Variants in ARAP2 observed in about 807,000 individuals in gnomAD.
ARAP2 encodes arf-GAP with Rho-GAP domain, ANK repeat and PH domain-containing protein 2.
In ARAP2, 148 loss-of-function variants were observed where a neutral mutation model predicts 194.5. The observed-to-expected ratio is 0.76, with a 90% CI of 0.67 to 0.87. ARAP2 has a LOEUF of 0.87. ARAP2 is among the 40% of genes least tolerant of loss of function. ARAP2 has a pLI of 0.00. For synonymous variants in ARAP2, 695 were observed against 683.5 expected (o/e 1.02, Z -0.26); for missense variants, 2,128 against 1,989.7 (o/e 1.07, Z -1.32).
At chr4:36,179,416 C>T (rs1355973656) in intron 8 of ARAP2, among the ~76,000 whole-genome samples, 1 of 152,188 alleles carries the variant, frequency 6.6e-6, no homozygotes, top group Non-Finnish European at 1.5e-5. Context: ...ACAGAACAAC[C>T]TCAGGTTTTC....
At chr4:36,077,500 G>A (rs1261369522) in intron 31 of ARAP2, among the ~76,000 whole-genome samples, 2 of 151,978 alleles carry the variant, frequency 1.3e-5, no homozygotes, top group African/African-American at 4.8e-5. Context: ...CATGTGACAA[G>A]GAACTCTAGG....
intron 32 of ARAP2, among the ~76,000 whole-genome samples, chr4:36,070,098 T>C (rs573135987): frequency 2.3e-4 from 35 of 152,298 alleles, no homozygotes; most frequent in African/African-American, 8.4e-4. Context: ...CTTCATAAAT[T>C]ACCCAGTCTC....
At chr4:36,027,938 T>G (rs907168689) in intron 5 of ARAP2, among the ~76,000 whole-genome samples, 1 of 152,136 alleles carries the variant, frequency 6.6e-6, no homozygotes, top group Non-Finnish European at 1.5e-5. Flanking sequence ...CCAGTCCTCT[T>G]CAGGAACCAA....
At chr4:36,125,764 C>T (rs1723745118) in intron 21 of ARAP2, among the ~76,000 whole-genome samples, 1 of 152,032 alleles carries the variant, frequency 6.6e-6, no homozygotes, top group Non-Finnish European at 1.5e-5. Context: ...TTAGCCTATG[C>T]TACCTGAAGT....
At chr4:36,164,671 T>C (rs1057498220) in intron 11 of ARAP2, among the ~76,000 whole-genome samples, 1 of 152,234 alleles carries the variant, frequency 6.6e-6, no homozygotes, top group Non-Finnish European at 1.5e-5. Flanking sequence ...ACTGTCTTTT[T>C]AAAATCTATA....
At chr4:36,199,605 T>C (rs867491891) in intron 6 of ARAP2, among the ~76,000 whole-genome samples, 4 of 152,104 alleles carry the variant, frequency 2.6e-5, no homozygotes, top group South Asian at 2.1e-4. Flanking sequence ...AAAAACTTTT[T>C]AACCAACATC....
intron 5 of ARAP2, among the ~76,000 whole-genome samples, chr4:36,025,417 T>G (rs975947521): frequency 6.6e-6 from 1 of 152,186 alleles, no homozygotes; most frequent in Non-Finnish European, 1.5e-5. Context: ...TGAAACCTGC[T>G]AAACAACCTT....
In ARAP2 at chr4:36,128,689, G is replaced by A; in HGVS notation, c.3484C>T (p.Leu1162Phe). 1 of 1,612,476 alleles carries A rather than the reference G, an allele frequency of 6.2e-7. No homozygotes were observed. The highest frequency in any genetic ancestry group is 1.1e-5 in the South Asian group (1 of 91,054). Residue 1162 changes from leucine to phenylalanine, a missense_variant, in exon 21 of 33, where the codon CTC becomes TTC. Coordinates refer to ENST00000303965, the MANE Select transcript of ARAP2 (RefSeq NM_015230.4). ...KNGDPLHISE[L>F]LESFKKDARS... is the part of the protein sequence containing the mutation. ...GCATCCTTTTTGAAACTCTCCAGGA[G>A]TTCACTTATATGCAAAGGATCACCA...
At position 36,091,862 on chromosome 4, in the gene ARAP2, G is replaced by A. The variant is rs533065429; in HGVS notation, c.4425+19C>T. ...AATACCCACACAAATAAAAATGTAC[G>A]CATGTTCAAATACTATACCTTCACA... On this transcript the variant is annotated intron_variant, in intron 28 of 32. Transcript: ENST00000303965. The A allele has an allele frequency of 1.7e-5, 27 of 1,553,472 alleles. No homozygotes were observed. The East Asian group carries it at 2.7e-4, about 16-fold the overall frequency.
intron 3 of ARAP2, 75 bp from the exon 4 acceptor site, chr4:36,213,394 A>G (rs1447610508): frequency 8.6e-7 from 1 of 1,165,562 alleles, no homozygotes; most frequent in Admixed American, 2.0e-5. Flanking sequence ...AAAGATTAAA[A>G]GCATGAGTTT....
chr4:36,099,189 TAAC>T (rs1180631151), intron 27 of ARAP2, among the ~76,000 whole-genome samples: 1 of 152,106 alleles, frequency 6.6e-6, no homozygotes, highest in African/African-American at 2.4e-5. Flanking sequence ...TTGCCGAGGA[TAAC>T]AACTTCCAGC....
chr4:36,200,472 C>A (rs1287776042), intron 6 of ARAP2, among the ~76,000 whole-genome samples: 1 of 152,120 alleles, frequency 6.6e-6, no homozygotes, highest in Non-Finnish European at 1.5e-5. Context: ...TCAGGCTGGT[C>A]TCAAACTCCC....
At chr4:36,060,513 A>G (rs1229508001) in intron 1 of ARAP2, among the ~76,000 whole-genome samples, 1 of 152,204 alleles carries the variant, frequency 6.6e-6, no homozygotes. Flanking sequence ...TGGAGCAACA[A>G]GAGCACAAGG....
At chr4:36,158,701 A>G in intron 15 of ARAP2, 29 bp downstream of exon 15, 1 of 1,549,002 alleles carries the variant, frequency 6.5e-7, no homozygotes, top group East Asian at 2.3e-5. Context: ...TTTTTATCTG[A>G]TAATATCTAA....
intron 28 of ARAP2, among the ~76,000 whole-genome samples, chr4:36,089,708 T>C (rs1713017723): frequency 6.6e-6 from 1 of 152,122 alleles, no homozygotes; most frequent in Non-Finnish European, 1.5e-5. Flanking sequence ...TTTGAATCAA[T>C]GGGTTATTGG....
intron 9 of ARAP2, among the ~76,000 whole-genome samples, chr4:36,010,467 G>A (rs1026597248): frequency 2.6e-5 from 4 of 151,944 alleles, no homozygotes; most frequent in Admixed American, 2.6e-4. Context: ...ACATTTTATG[G>A]ATGTGTCAAG....
intron 31 of ARAP2, 29 bp downstream of exon 31, chr4:36,080,187 C>G (rs1325512035): frequency 2.5e-6 from 4 of 1,587,824 alleles, no homozygotes; most frequent in African/African-American, 1.3e-5. Flanking sequence ...TTATTATACT[C>G]TACTGGATAG....
intron 1 of ARAP2, among the ~76,000 whole-genome samples, chr4:36,232,055 C>G (rs571621275): frequency 6.6e-6 from 1 of 152,196 alleles, no homozygotes; most frequent in Non-Finnish European, 1.5e-5. Context: ...AGGTGGCTAT[C>G]TGTAAGCTAG....
chr4:36,231,650 G>C (rs1178731636), intron 1 of ARAP2, among the ~76,000 whole-genome samples: 1 of 152,064 alleles, frequency 6.6e-6, no homozygotes, highest in Non-Finnish European at 1.5e-5. Flanking sequence ...GCTTACCCCT[G>C]TTCATAAAAA....
Sources: gnomAD v4.1 joint callset for allele counts (sites outside exome capture counted in the v4.1 genomes callset) on GRCh38, gnomAD v4.1.1 for gene constraint, MANE v1.5 for transcripts, NCBI Gene and HGNC (gene_info 2026-07-23, HGNC 2026-07-21) for gene names.